The following C1orf50 variants were observed in gnomAD, a reference collection of about 807,000 sequenced individuals.
C1orf50 encodes chromosome 1 open reading frame 50.
In C1orf50, 22 loss-of-function variants were observed where a neutral mutation model predicts 23.3. The ratio of observed to expected loss-of-function variants is 0.94; its 90% CI spans 0.67 to 1.35. C1orf50 has a LOEUF of 1.35. Ranked by LOEUF, C1orf50 falls within the 40% of genes most tolerant of loss-of-function variation. The probability of loss-of-function intolerance (pLI) is 0.00; values close to 1 mark genes in which losing one functional copy is unlikely to be tolerated. For missense variants in C1orf50, 271 were observed against 249.4 expected (o/e 1.09, Z -0.58); for synonymous variants, 96 against 102.4 (o/e 0.94, Z 0.38).
intron 2 of C1orf50, among the ~76,000 whole-genome samples, chr1:42,768,113 A>T (rs147368743): frequency 7.2e-5 from 11 of 152,342 alleles, no homozygotes; most frequent in Non-Finnish European, 1.5e-4. Flanking sequence ...TTATATATGG[A>T]TGGCCAAAAT....
In C1orf50 at chr1:42,767,623, A is replaced by G. The variant is rs762912537; in HGVS notation, c.194A>G (p.Lys65Arg). 4.3e-6 allele frequency: 7 copies of G among 1,609,726 alleles called. No individual in the cohort carries two copies. The South Asian group carries it at 7.7e-5, about 18-fold the overall frequency. ...GTGGCGCTCGCAGAGCAGGTGCAGA[A>G]GGTGAGGAGGCGCGGCCGGGGCAGC... ...DLVALAEQVQKADEFIRANAT... is the reference protein window; with the variant it reads ...DLVALAEQVQRADEFIRANAT... Residue 65 changes from lysine to arginine, a missense_variant and splice_region_variant, in exon 2 of 5, where the codon AAG becomes AGG. Lys to Arg is a conservative substitution (Grantham distance 26, BLOSUM62 2). Transcript: ENST00000372525.
At position 42,776,384 on chromosome 1, in the gene C1orf50, T is replaced by G. The variant is rs1041405684; in HGVS notation, c.*990T>G. 15 of 152,030 alleles carry G rather than the reference T, an allele frequency of 9.9e-5. No individual in the cohort carries two copies. Among genetic ancestry groups the G allele is most frequent in the Admixed American group, 8.5e-4 (13 of 15,284 alleles). 9.4% of individuals were successfully genotyped at this position (152,030 alleles called of 1,614,324 possible). On this transcript the variant is annotated 3_prime_UTR_variant, in exon 5 of 5. Transcript: ENST00000372525. Reference sequence around the variant, plus strand: ...AGGCTCTTGTAGGACTCTACCTTCTTTCCTATCTGTTTGGTGGAATTAGCT... The same window carrying G: ...AGGCTCTTGTAGGACTCTACCTTCTGTCCTATCTGTTTGGTGGAATTAGCT...
Position 42,776,241 on chromosome 1 carries a change from C to G in C1orf50, c.*847C>G, listed in dbSNP as rs1016227329. On this transcript the variant is annotated 3_prime_UTR_variant, in exon 5 of 5. Coordinates refer to ENST00000372525, the MANE Select transcript of C1orf50 (RefSeq NM_024097.4). ...GAGAGTAAGGCAGTAGAGTGAGAAG[C>G]AAGAAAAACAGCCAAATTGTTGACT... The G allele has an allele frequency of 6.6e-6, 1 of 152,150 alleles. No individual in the cohort carries two copies. Among genetic ancestry groups the G allele is most frequent in the Non-Finnish European group, 1.5e-5 (1 of 68,024 alleles). 9.4% of individuals were successfully genotyped at this position (152,150 alleles called of 1,614,324 possible).
Position 42,767,305 on chromosome 1 carries a change from C to A in C1orf50, c.-7C>A. 6.7e-7 allele frequency: 1 copy of A among 1,501,154 alleles called. No homozygotes were observed. The allele number at this position is 1,501,154 out of a possible 1,614,324, so 93.0% of individuals were successfully genotyped here. On this transcript the variant is annotated 5_prime_UTR_variant, in exon 1 of 5. Coordinates refer to ENST00000372525, the MANE Select transcript of C1orf50 (RefSeq NM_024097.4). The stretch of plus-strand genomic sequence containing the variant: ...AGCCCAGGGAGTGGGGAGGATAAGG[C>A]GCTGTCATGGAGGACGCCGCCGCGC...
chr1:42,772,498 TG>T (rs1316833040), intron 2 of C1orf50, among the ~76,000 whole-genome samples: 1 of 152,194 alleles, frequency 6.6e-6, no homozygotes, highest in African/African-American at 2.4e-5. Flanking sequence ...AGAAATGTCC[TG>T]GCTGGGCTCA....
intron 2 of C1orf50, 181 bp from the exon 3 acceptor site, chr1:42,773,379 CCTT>C (rs751081447): frequency 1.5e-5 from 7 of 471,392 alleles, no homozygotes; most frequent in African/African-American, 4.1e-5. Flanking sequence ...GTCAGGGTGG[CCTT>C]CTCATGACAG....
At chr1:42,773,418 A>C (rs1214419592) in intron 2 of C1orf50, 145 bp from the exon 3 acceptor site, 1 of 541,422 alleles carries the variant, frequency 1.8e-6, no homozygotes, top group Admixed American at 3.2e-5. Flanking sequence ...GCCTCGGATG[A>C]GTGGGAGGCT....
intron 2 of C1orf50, among the ~76,000 whole-genome samples, chr1:42,770,251 A>AT (rs1222289461): frequency 3.3e-5 from 5 of 152,170 alleles, no homozygotes; most frequent in Non-Finnish European, 7.4e-5. Context: ...CCTCAGACTA[A>AT]TCCATATTTT....
Position 42,775,512 on chromosome 1 carries a change from C to A in C1orf50, c.*118C>A. 2 of 836,840 alleles carry A rather than the reference C, an allele frequency of 2.4e-6. No individual in the cohort carries two copies. The highest frequency in any genetic ancestry group is 2.2e-5 in the South Asian group (1 of 46,222). The allele number at this position is 836,840 out of a possible 1,614,324, so 51.8% of individuals were successfully genotyped here. On this transcript the variant is annotated 3_prime_UTR_variant, in exon 5 of 5. Coordinates refer to ENST00000372525, the MANE Select transcript of C1orf50 (RefSeq NM_024097.4). ...ACTCACAAACTTCTTGGAAAGAGACCCTGTGTGAATGTAAATGCTGTCATT... is the reference window on the plus strand; with the variant it reads ...ACTCACAAACTTCTTGGAAAGAGACACTGTGTGAATGTAAATGCTGTCATT...
At position 42,777,861 on chromosome 1, in the gene C1orf50, G is replaced by A. The variant is rs191342737; in HGVS notation, c.*2467G>A. ...ACTCTGACAAGACAGCCTCCCAGCTGGCATCCCTGCTTCCCCCTCTGTCCC... is the reference window on the plus strand; with the variant it reads ...ACTCTGACAAGACAGCCTCCCAGCTAGCATCCCTGCTTCCCCCTCTGTCCC... On this transcript the variant is annotated 3_prime_UTR_variant, in exon 5 of 5. Transcript: ENST00000372525. The A allele has an allele frequency of 6.6e-6, 1 of 152,192 alleles. No individual in the cohort carries two copies. The highest frequency in any genetic ancestry group is 1.9e-4 in the East Asian group (1 of 5,144). The allele number at this position is 152,192 out of a possible 1,614,324, so 9.4% of individuals were successfully genotyped here. A position where few individuals can be genotyped will look rare whatever the true frequency, so the allele number is the denominator to read the frequency against.
At position 42,774,826 on chromosome 1, in the gene C1orf50, A is replaced by G. The variant is rs935880001; in HGVS notation, c.372A>G (p.Lys124=). 2 of 1,613,452 alleles carry G rather than the reference A, an allele frequency of 1.2e-6. No homozygotes were observed. The highest frequency in any genetic ancestry group is 2.7e-5 in the African/African-American group (2 of 74,928). The change falls in exon 4 of 5, where the codon AAA becomes AAG. Residue 124 remains lysine, a synonymous_variant. Coordinates refer to ENST00000372525, the MANE Select transcript of C1orf50 (RefSeq NM_024097.4). Reference sequence around the variant, plus strand: ...CTGGCAACATTTACTATCTCTATAAACGGGAGAGTGGTCAGCAGTATTTTT... The same window carrying G: ...CTGGCAACATTTACTATCTCTATAAGCGGGAGAGTGGTCAGCAGTATTTTT... ...KKPGNIYYLY[K]RESGQQYFSI...
chr1:42,771,974 CAA>C (rs10715817), intron 2 of C1orf50, among the ~76,000 whole-genome samples: 335 of 126,208 alleles, frequency 2.7e-3, no homozygotes, highest in South Asian at 5.8e-3. Context: ...GACTCTGCCT[CAA>C]AAAAAAAAAA....
At chr1:42,772,526 A>G (rs1035646600) in intron 2 of C1orf50, among the ~76,000 whole-genome samples, 1 of 152,172 alleles carries the variant, frequency 6.6e-6, no homozygotes. Flanking sequence ...CACACCTGTC[A>G]TCTTAGACCT....
chr1:42,778,160 A>T lies in C1orf50; in HGVS notation c.*2766A>T, dbSNP rs1334356813. 3 of 152,076 alleles carry T rather than the reference A, an allele frequency of 2.0e-5. No individual in the cohort carries two copies. The highest frequency in any genetic ancestry group is 4.4e-5 in the Non-Finnish European group (3 of 68,020). 9.4% of individuals were successfully genotyped at this position (152,076 alleles called of 1,614,324 possible). A position where few individuals can be genotyped will look rare whatever the true frequency, so the allele number is the denominator to read the frequency against. On this transcript the variant is annotated 3_prime_UTR_variant, in exon 5 of 5. Transcript: ENST00000372525. The stretch of plus-strand genomic sequence containing the variant: ...AATGGGAAACTAGGACCCAGTGATT[A>T]TATACAGTAATCACTTTTCATTTAC...
In C1orf50 at chr1:42,767,558, C is replaced by A; in HGVS notation, c.129C>A (p.Ser43Arg). 6.2e-7 allele frequency: 1 copy of A among 1,609,432 alleles called. No homozygotes were observed. The highest frequency in any genetic ancestry group is 1.3e-5 in the African/African-American group (1 of 75,026). The stretch of plus-strand genomic sequence containing the variant: ...CCCCCGGCGGCCTGGCCCTGGTGAG[C>A]CCCTACCACACCCACCGGGCCGGGG... ...TPTPGGLALV[S>R]PYHTHRAGDP... The change falls in exon 2 of 5, where the codon AGC becomes AGA. Residue 43 changes from serine to arginine, a missense_variant. By Grantham distance (110) the Ser-to-Arg change is moderately radical. Transcript: ENST00000372525.
Position 42,775,203 on chromosome 1 carries a change from C to G in C1orf50, c.415-6C>G, listed in dbSNP as rs1260631937. The G allele has an allele frequency of 1.3e-6, 2 of 1,586,784 alleles. No individual in the cohort carries two copies. The highest frequency in any genetic ancestry group is 3.4e-5 in the Admixed American group (2 of 59,662). On this transcript the variant is annotated splice_polypyrimidine_tract_variant and splice_region_variant and intron_variant, in intron 4 of 4. Coordinates refer to ENST00000372525, the MANE Select transcript of C1orf50 (RefSeq NM_024097.4). ...TGATGGGAACTGCCTCCTTTGCCTTCTCTAGGAATGGGGGACAAGTTGTCC... is the reference window on the plus strand; with the variant it reads ...TGATGGGAACTGCCTCCTTTGCCTTGTCTAGGAATGGGGGACAAGTTGTCC...
rs1415239807 is a variant in C1orf50 at position 42,778,703 on chromosome 1, A to G, written c.*3309A>G. 6.6e-6 allele frequency: 1 copy of G among 151,086 alleles called. No homozygotes were observed. Among genetic ancestry groups the G allele is most frequent in the Non-Finnish European group, 1.5e-5 (1 of 67,720 alleles). The allele number at this position is 151,086 out of a possible 1,614,324, so 9.4% of individuals were successfully genotyped here. A position where few individuals can be genotyped will look rare whatever the true frequency, so the allele number is the denominator to read the frequency against. The stretch of plus-strand genomic sequence containing the variant: ...TAGTTGAAGACAGGGAGGAAAAAAC[A>G]TTCCAGACAAAAAATAACATGGAAG... On this transcript the variant is annotated 3_prime_UTR_variant, in exon 5 of 5. Coordinates refer to ENST00000372525, the MANE Select transcript of C1orf50 (RefSeq NM_024097.4).
rs1326769791 is a variant in C1orf50 at position 42,777,604 on chromosome 1, A to C, written c.*2210A>C. On this transcript the variant is annotated 3_prime_UTR_variant, in exon 5 of 5. Transcript: ENST00000372525. The stretch of plus-strand genomic sequence containing the variant: ...AGTGACATTTCATCACCTTTGCCGT[A>C]ATCTTTTGGTTGGAAGCAAGTCACT... 6.6e-6 allele frequency: 1 copy of C among 152,226 alleles called. No individual in the cohort carries two copies. The highest frequency in any genetic ancestry group is 2.4e-5 in the African/African-American group (1 of 41,454). 9.4% of individuals were successfully genotyped at this position (152,226 alleles called of 1,614,324 possible). A position where few individuals can be genotyped will look rare whatever the true frequency, so the allele number is the denominator to read the frequency against.
At chr1:42,770,928 C>T (rs1213182408) in intron 2 of C1orf50, among the ~76,000 whole-genome samples, 2 of 151,970 alleles carry the variant, frequency 1.3e-5, no homozygotes, top group African/African-American at 4.8e-5. Context: ...TCATTTAGAC[C>T]CAAGTCAAAT....
Sources: gnomAD v4.1 joint callset for allele counts (sites outside exome capture counted in the v4.1 genomes callset) on GRCh38, gnomAD v4.1.1 for gene constraint, MANE v1.5 for transcripts, NCBI Gene and HGNC (gene_info 2026-07-23, HGNC 2026-07-21) for gene names.